UQCC1: variants seen among roughly 807,000 people sequenced by gnomAD.
UQCC1 encodes the protein bFGF-repressed Zic-binding protein.
Under a neutral mutation model 48.0 loss-of-function variants are expected in UQCC1, and 38 were observed. The ratio of observed to expected loss-of-function variants is 0.79; its 90% CI spans 0.61 to 1.04. The LOEUF is 1.04. UQCC1 is among the 50% of genes least tolerant of loss of function. The probability of loss-of-function intolerance (pLI) is 0.00; values close to 1 mark genes in which losing one functional copy is unlikely to be tolerated. For synonymous variants in UQCC1, 111 were observed against 129.2 expected, an observed-to-expected ratio of 0.86 and a Z score of 0.95; for missense variants, 368 against 381.8, an observed-to-expected ratio of 0.96 and a Z score of 0.30.
intron 1 of UQCC1, among the ~76,000 whole-genome samples, chr20:35,403,040 C>T (rs1186625626): frequency 6.6e-6 from 1 of 150,912 alleles, no homozygotes; most frequent in African/African-American, 2.4e-5. Flanking sequence ...GCACTCCAGC[C>T]TAGGGGACAA....
chr20:35,344,707 A>AT, intron 7 of UQCC1: 1 of 152,410 alleles, frequency 6.6e-6, no homozygotes, highest in African/African-American at 2.4e-5. Flanking sequence ...GATATTGTGA[A>AT]ATATATAGTT....
intron 8 of UQCC1, among the ~76,000 whole-genome samples, chr20:35,313,699 C>T (rs369140977): frequency 6.6e-6 from 1 of 152,200 alleles, no homozygotes; most frequent in East Asian, 1.9e-4. Context: ...CTGCAGTCTC[C>T]GCCTCCCAGG....
chr20:35,401,548 A>C (rs2062164947), intron 1 of UQCC1, among the ~76,000 whole-genome samples: 1 of 152,132 alleles, frequency 6.6e-6, no homozygotes, highest in Non-Finnish European at 1.5e-5. Context: ...GTGACTACAA[A>C]AGTGCTGCAA....
At chr20:35,355,051 T>C (rs2061531231) in intron 6 of UQCC1, among the ~76,000 whole-genome samples, 1 of 152,094 alleles carries the variant, frequency 6.6e-6, no homozygotes, top group South Asian at 2.1e-4. Flanking sequence ...TTAGACATGC[T>C]AATTCACCTT....
rs534196772 is a variant in UQCC1 at position 35,305,008 on chromosome 20, C to T, written c.766-939G>A. On this transcript the variant is annotated intron_variant, in intron 9 of 9. Coordinates refer to ENST00000374385, the MANE Select transcript of UQCC1 (RefSeq NM_018244.5). Reference sequence around the variant, plus strand: ...TCCTGGGTTGAAAATCTCAACAGAACCTCTGGTTGGCTCTTGGGCCATCGG... The same window carrying T: ...TCCTGGGTTGAAAATCTCAACAGAATCTCTGGTTGGCTCTTGGGCCATCGG... 3.3e-4 allele frequency among the ~76,000 whole-genome samples: 50 copies of T among 152,330 alleles called. No homozygotes were observed. The South Asian group carries it at 6.0e-3, about 18-fold the overall frequency.
intron 6 of UQCC1, 99 bp from the exon 7 acceptor site, chr20:35,347,371 G>C: frequency 6.9e-7 from 1 of 1,444,008 alleles, no homozygotes; most frequent in Non-Finnish European, 9.6e-7. Flanking sequence ...GTTTAGCAAA[G>C]GGCACCAAAT....
At chr20:35,357,870 C>A (rs1056112572) in intron 6 of UQCC1, among the ~76,000 whole-genome samples, 13 of 152,092 alleles carry the variant, frequency 8.5e-5, no homozygotes, top group Non-Finnish European at 1.3e-4. Context: ...CACTTTAACT[C>A]ACATCATGGG....
chr20:35,347,207 T>C lies in UQCC1; in HGVS notation c.530A>G (p.His177Arg), dbSNP rs2061440793. Residue 177 changes from histidine to arginine, a missense_variant, in exon 7 of 10, where the codon CAT becomes CGT. His to Arg is a conservative substitution (Grantham distance 29, BLOSUM62 0). Coordinates refer to ENST00000374385, the MANE Select transcript of UQCC1 (RefSeq NM_018244.5). The part of the protein sequence containing the change: ...SGKYMCRIIV[H>R]FMWEDVQQRG... ...CTGCTGAACATCCTCCCACATAAAA[T>C]GAACTATGATACGACACATGTACTT... 1.2e-6 allele frequency: 2 copies of C among 1,613,948 alleles called. No homozygotes were observed. Among genetic ancestry groups the C allele is most frequent in the East Asian group, 2.2e-5 (1 of 44,900 alleles).
At chr20:35,389,180 A>G (rs2061983655) in intron 2 of UQCC1, among the ~76,000 whole-genome samples, 1 of 152,244 alleles carries the variant, frequency 6.6e-6, no homozygotes, top group South Asian at 2.1e-4. Flanking sequence ...TTGTGGTGCC[A>G]GCAATTAAGA....
chr20:35,306,703 C>T lies in UQCC1; in HGVS notation c.728G>A (p.Arg243Gln), dbSNP rs150546407. Residue 243 changes from arginine (R) to glutamine (Q), a missense_variant, in exon 9 of 10, where the codon CGA becomes CAA. Transcript: ENST00000374385. ...ATACTCTACCAGCAATTCAAGATGT[C>T]GAGGGTCTTCACATTTCCGGTTGAA... ...TFFNRKCEDP[R>Q]HLELLVEYVR... The T allele has an allele frequency of 3.1e-5, 50 of 1,613,758 alleles. No homozygotes were observed. The highest frequency in any genetic ancestry group is 3.0e-5 in the Non-Finnish European group (35 of 1,180,004).
intron 1 of UQCC1, among the ~76,000 whole-genome samples, chr20:35,408,422 TG>T (rs2062285140): frequency 1.3e-5 from 2 of 152,110 alleles, no homozygotes; most frequent in African/African-American, 4.8e-5. Context: ...AGCAAGACCT[TG>T]TCTCAAAAAC....
intron 7 of UQCC1, among the ~76,000 whole-genome samples, chr20:35,321,560 A>G (rs2061130099): frequency 6.6e-6 from 1 of 152,156 alleles, no homozygotes; most frequent in Admixed American, 6.5e-5. Context: ...CTGTTTAAAA[A>G]TATTCCCTTA....
chr20:35,385,907 T>G (rs1383255124), intron 2 of UQCC1, among the ~76,000 whole-genome samples: 1 of 150,018 alleles, frequency 6.7e-6, no homozygotes, highest in Non-Finnish European at 1.5e-5. Flanking sequence ...AAGGGCAGAG[T>G]TCCCACATAC....
intron 7 of UQCC1, among the ~76,000 whole-genome samples, chr20:35,321,878 T>G (rs558358735): frequency 1.3e-5 from 2 of 152,286 alleles, no homozygotes; most frequent in East Asian, 3.9e-4. Flanking sequence ...ACAGGAGTCC[T>G]TCCCTCAGGC....
chr20:35,313,471 G>A (rs78070351), intron 8 of UQCC1, among the ~76,000 whole-genome samples: 13,803 of 151,518 alleles, frequency 0.091, 1,300 homozygotes, highest in African/African-American at 0.24. Context: ...AAAGCAAGTT[G>A]CAGAATCATG....
At chr20:35,333,246 A>C (rs2061277405) in intron 7 of UQCC1, among the ~76,000 whole-genome samples, 1 of 152,186 alleles carries the variant, frequency 6.6e-6, no homozygotes, top group Non-Finnish European at 1.5e-5. Flanking sequence ...GGACACTCCC[A>C]ACTCTATCAC....
At chr20:35,342,474 G>A (rs1471437502) in intron 7 of UQCC1, among the ~76,000 whole-genome samples, 1 of 152,260 alleles carries the variant, frequency 6.6e-6, no homozygotes, top group Non-Finnish European at 1.5e-5. Flanking sequence ...ACACCTGGCT[G>A]CAAACCCAGC....
At chr20:35,332,057 T>A (rs1022832832) in intron 7 of UQCC1, among the ~76,000 whole-genome samples, 1 of 152,176 alleles carries the variant, frequency 6.6e-6, no homozygotes. Flanking sequence ...TTAGAACCTA[T>A]GTCTGTCTGG....
In UQCC1 at chr20:35,384,035, C is replaced by A; in HGVS notation, c.225+3G>T. 1 of 1,610,422 alleles carries A rather than the reference C, an allele frequency of 6.2e-7. No individual in the cohort carries two copies. Among genetic ancestry groups the A allele is most frequent in the South Asian group, 1.1e-5 (1 of 90,994 alleles). On this transcript the variant is annotated splice_donor_region_variant and intron_variant, in intron 3 of 9. Coordinates refer to ENST00000374385, the MANE Select transcript of UQCC1 (RefSeq NM_018244.5). ...AAACACAGAATGCACTGATAATTCT[C>A]ACCTTACGTGTGGTGTGATACTTCC...
Sources: allele counts gnomAD v4.1 joint callset (sites outside exome capture counted in the v4.1 genomes callset), GRCh38; gene constraint gnomAD v4.1.1; transcripts MANE v1.5; gene names NCBI Gene and HGNC (gene_info 2026-07-23, HGNC 2026-07-21).